CCDC93: variants seen among roughly 807,000 people sequenced by gnomAD.
The protein encoded by CCDC93 is CCC complex scaffolding subunit CCDC93.
In CCDC93, 61 loss-of-function variants were observed where a neutral mutation model predicts 108.2. That is an observed-to-expected ratio of 0.56 (90% CI 0.46 to 0.70). CCDC93 has a LOEUF of 0.70. CCDC93 is among the 30% of genes least tolerant of loss of function. CCDC93 has a pLI of 0.00. For synonymous variants in CCDC93, 276 were observed against 260.4 expected (o/e 1.06, Z -0.58); for missense variants, 685 against 764.2 (o/e 0.90, Z 1.22).
chr2:117,986,160 C>CTTTTTTTT (rs763304100), intron 6 of CCDC93, 91 bp from the exon 7 acceptor site: 6 of 276,586 alleles, frequency 2.2e-5, no homozygotes, highest in African/African-American at 3.1e-5. Context: ...GGTATATTCT[C>CTTTTTTTT]TTTTTTTTTT....
chr2:117,938,765 C>A (rs1389598591), intron 20 of CCDC93, among the ~76,000 whole-genome samples: 2 of 152,196 alleles, frequency 1.3e-5, no homozygotes, highest in Non-Finnish European at 2.9e-5. Flanking sequence ...AACTCCAGAG[C>A]TTCCATTGTG....
At chr2:117,957,845 A>G (rs985279934) in intron 12 of CCDC93, among the ~76,000 whole-genome samples, 1 of 152,080 alleles carries the variant, frequency 6.6e-6, no homozygotes, top group Non-Finnish European at 1.5e-5. Context: ...AGGTCTCCCT[A>G]TTAGTCACTC....
At chr2:117,985,083 A>G (rs1001381260) in intron 7 of CCDC93, among the ~76,000 whole-genome samples, 4 of 152,112 alleles carry the variant, frequency 2.6e-5, no homozygotes, top group Non-Finnish European at 5.9e-5. Context: ...TAGGGCCAGA[A>G]CTACTTCAAT....
chr2:117,948,022 G>T, intron 15 of CCDC93, 83 bp downstream of exon 15: 3 of 1,118,392 alleles, frequency 2.7e-6, no homozygotes, highest in Non-Finnish European at 4.1e-6. Flanking sequence ...GCACTGGATA[G>T]GATGCCACAA....
intron 23 of CCDC93, among the ~76,000 whole-genome samples, chr2:117,926,413 G>C (rs534854143): frequency 6.6e-6 from 1 of 151,792 alleles, no homozygotes; most frequent in Non-Finnish European, 1.5e-5. Flanking sequence ...TCAAATAGAC[G>C]CAATAAAAAA....
chr2:117,988,205 C>A (rs144272942), intron 6 of CCDC93, among the ~76,000 whole-genome samples: 78 of 151,950 alleles, frequency 5.1e-4, no homozygotes, highest in African/African-American at 1.7e-3. Context: ...ATTAAGGTGA[C>A]CCTTTTGTAA....
At chr2:117,960,950 A>G (rs1267117685) in intron 11 of CCDC93, among the ~76,000 whole-genome samples, 1 of 152,222 alleles carries the variant, frequency 6.6e-6, no homozygotes, top group Non-Finnish European at 1.5e-5. Flanking sequence ...TGAATACGTA[A>G]GCTACTGTAA....
chr2:117,986,509 C>T (rs1368594763), intron 6 of CCDC93, among the ~76,000 whole-genome samples: 1 of 152,024 alleles, frequency 6.6e-6, no homozygotes, highest in Non-Finnish European at 1.5e-5. Context: ...CTGCTTGTCC[C>T]CACATCTCTC....
chr2:118,013,035 G>C (rs1677061064), intron 1 of CCDC93: 1 of 152,198 alleles, frequency 6.6e-6, no homozygotes, highest in Non-Finnish European at 1.5e-5. Flanking sequence ...GGTGCGGCGT[G>C]GCTTCCATTT....
At chr2:117,999,291 CT>C (rs1680760591) in intron 4 of CCDC93, 1 of 152,124 alleles carries the variant, frequency 6.6e-6, no homozygotes, top group South Asian at 2.1e-4. Context: ...TTCTCAGCAG[CT>C]GCATGAATGG....
At chr2:117,959,299 A>G (rs984263512) in intron 11 of CCDC93, among the ~76,000 whole-genome samples, 2 of 152,230 alleles carry the variant, frequency 1.3e-5, no homozygotes. Flanking sequence ...CCGTTTTGCA[A>G]TAAGTGCAAT....
intron 15 of CCDC93, 52 bp from the exon 16 acceptor site, chr2:117,946,934 G>GC: frequency 7.9e-7 from 1 of 1,262,352 alleles, no homozygotes; most frequent in Non-Finnish European, 1.2e-6. Flanking sequence ...GTAATTAGAC[G>GC]CAATTATTCA....
At chr2:117,992,023 G>A (rs964583628) in intron 6 of CCDC93, among the ~76,000 whole-genome samples, 8 of 152,082 alleles carry the variant, frequency 5.3e-5, no homozygotes, top group Non-Finnish European at 8.8e-5. Context: ...GACAGAGCTC[G>A]CTAAGAAACC....
chr2:118,012,264 ACTC>A (rs2104839819), intron 1 of CCDC93, among the ~76,000 whole-genome samples: 1 of 130,916 alleles, frequency 7.6e-6, no homozygotes, highest in African/African-American at 3.0e-5. Context: ...ACAGAGTGAG[ACTC>A]TGTCTCAAAA....
At chr2:117,985,902 C>T in intron 7 of CCDC93, 67 bp downstream of exon 7, 1 of 958,808 alleles carries the variant, frequency 1.0e-6, no homozygotes, top group African/African-American at 1.7e-5. Flanking sequence ...TCAAGTTAAT[C>T]CAAATGAAGC....
intron 6 of CCDC93, among the ~76,000 whole-genome samples, chr2:117,988,113 C>CAT (rs1491422074): frequency 1.3e-5 from 2 of 150,556 alleles, no homozygotes; most frequent in Non-Finnish European, 2.9e-5. Context: ...ATATATATAT[C>CAT]AGATATATAT....
At chr2:117,970,565 T>C (rs1679728058) in intron 11 of CCDC93, among the ~76,000 whole-genome samples, 3 of 152,196 alleles carry the variant, frequency 2.0e-5, no homozygotes, top group African/African-American at 7.2e-5. Flanking sequence ...AGTGACAATA[T>C]ATTTAAATCT....
Position 117,995,341 on chromosome 2 carries a change from G to C in CCDC93, c.519+105C>G, listed in dbSNP as rs527962532. 406 of 889,316 alleles carry C rather than the reference G, an allele frequency of 4.6e-4. 2 individuals carry two copies. Among genetic ancestry groups the C allele is most frequent in the Non-Finnish European group, 7.6e-5 (41 of 542,680 alleles). 55.1% of individuals were successfully genotyped at this position (889,316 alleles called of 1,614,324 possible). On this transcript the variant is annotated intron_variant, in intron 6 of 23. Transcript: ENST00000376300. ...AGCCATCTGAGTCTAGCTCCTAAGC[G>C]ATCCCCGTAGATGGAAGCCTCAGGA...
intron 2 of CCDC93, 135 bp downstream of exon 2, chr2:118,008,410 G>C: frequency 1.6e-6 from 1 of 620,114 alleles, no homozygotes; most frequent in Non-Finnish European, 2.9e-6. Flanking sequence ...CTTCCATAAT[G>C]AATCTGAATT....
Sources: gnomAD v4.1 joint callset for allele counts (sites outside exome capture counted in the v4.1 genomes callset) on GRCh38, gnomAD v4.1.1 for gene constraint, MANE v1.5 for transcripts, NCBI Gene and HGNC (gene_info 2026-07-23, HGNC 2026-07-21) for gene names.